The following NCK1 variants were observed in gnomAD, a reference collection of about 807,000 sequenced individuals.
The protein encoded by NCK1 is SH2/SH3 adapter protein NCK1.
NCK1 carries 19 observed loss-of-function variants against 36.6 expected under a neutral mutation model. The observed-to-expected ratio is 0.52, with a 90% confidence interval of 0.36 to 0.76. NCK1 has a LOEUF of 0.76. Ranked by LOEUF, NCK1 falls within the 30% of genes least tolerant of loss-of-function variation. The pLI is 0.00. For synonymous variants in NCK1, 165 were observed against 156.0 expected (o/e 1.06, Z -0.43); for missense variants, 358 against 445.6 (o/e 0.80, Z 1.77).
chr3:136,920,220 AG>A (rs1381070226), intron 1 of NCK1, among the ~76,000 whole-genome samples: 1 of 152,186 alleles, frequency 6.6e-6, no homozygotes, highest in Admixed American at 6.5e-5. Context: ...TCAGAAATAA[AG>A]GCTACTTAAA....
At chr3:136,904,584 C>G (rs553811006) in intron 1 of NCK1, among the ~76,000 whole-genome samples, 3 of 152,084 alleles carry the variant, frequency 2.0e-5, no homozygotes, top group Non-Finnish European at 4.4e-5. Context: ...TTTTAGAATT[C>G]TGTGTATTTG....
chr3:136,915,935 A>T (rs1307795730), intron 1 of NCK1, among the ~76,000 whole-genome samples: 1 of 152,134 alleles, frequency 6.6e-6, no homozygotes, highest in African/African-American at 2.4e-5. Context: ...CACGTTGGCC[A>T]TGCTGGTCTC....
At chr3:136,876,551 A>AGC (rs1252273656) in intron 1 of NCK1, among the ~76,000 whole-genome samples, 3 of 152,154 alleles carry the variant, frequency 2.0e-5, no homozygotes, top group Non-Finnish European at 4.4e-5. Context: ...GTGTCAGTGT[A>AGC]TATATAAATC....
intron 2 of NCK1, chr3:136,928,861 T>TTA (rs1280634046): frequency 8.4e-6 from 1 of 119,688 alleles, no homozygotes; most frequent in African/African-American, 3.1e-5. Context: ...GCCTCTTCTT[T>TTA]AAAAAAAAAA....
rs866421537 is a variant in NCK1, at chr3:136,864,768, T to C, written c.-19+2415T>C. Reference sequence around the variant, plus strand: ...TCTGGGTTTTTTTCTTTTCTTTTTTTTTTTTTTTTTTGAGACAGAGTCTCT... The same window carrying C: ...TCTGGGTTTTTTTCTTTTCTTTTTTCTTTTTTTTTTTGAGACAGAGTCTCT... On this transcript the variant is annotated intron_variant, in intron 1 of 3. Transcript: ENST00000481752. Among the ~76,000 whole-genome samples, 560 of 146,260 alleles carry C rather than the reference T, an allele frequency of 3.8e-3. 2 individuals are homozygous for C. Among genetic ancestry groups the C allele is most frequent in the African/African-American group, 0.012 (476 of 40,428 alleles).
chr3:136,943,629 G>A (rs918238831), intron 2 of NCK1, among the ~76,000 whole-genome samples: 10 of 152,202 alleles, frequency 6.6e-5, no homozygotes, highest in African/African-American at 2.4e-4. Context: ...TTTGCTGACT[G>A]CTGAATACAT....
intron 1 of NCK1, among the ~76,000 whole-genome samples, chr3:136,921,785 G>T: frequency 6.6e-6 from 1 of 152,112 alleles, no homozygotes; most frequent in South Asian, 2.1e-4. Flanking sequence ...AAGAAAGATG[G>T]TTTTTTTGTT....
chr3:136,869,265 C>T (rs991104830), intron 1 of NCK1, among the ~76,000 whole-genome samples: 7 of 149,342 alleles, frequency 4.7e-5, no homozygotes, highest in African/African-American at 7.4e-5. Context: ...TTATTTGTTC[C>T]GCTAGGCCTG....
At chr3:136,870,115 G>T (rs1285231359) in intron 1 of NCK1, among the ~76,000 whole-genome samples, 1 of 149,612 alleles carries the variant, frequency 6.7e-6, no homozygotes, top group East Asian at 2.0e-4. Flanking sequence ...GCCGAGGCAG[G>T]TGGATCGCTT....
In NCK1 at chr3:136,890,369, G is replaced by A. The variant is rs1002145888; in HGVS notation, c.-19+28016G>A. 4.6e-5 allele frequency among the ~76,000 whole-genome samples: 7 copies of A among 151,816 alleles called. No individual in the cohort carries two copies. In the South Asian group the frequency reaches 6.3e-4, roughly 14 times the overall value. On this transcript the variant is annotated intron_variant, in intron 1 of 3. Transcript: ENST00000481752. ...AGCGTTGCACGCAGCCCCAGTTCCC[G>A]CTGGCGCCTCTCCCTCTACACCTCC...
chr3:136,913,859 G>A (rs1037805694), intron 1 of NCK1, among the ~76,000 whole-genome samples: 4 of 152,066 alleles, frequency 2.6e-5, no homozygotes, highest in Non-Finnish European at 5.9e-5. Flanking sequence ...TATTAGAGAC[G>A]GGGTTTCACC....
At chr3:136,865,164 G>T (rs1172066901) in intron 1 of NCK1, among the ~76,000 whole-genome samples, 1 of 151,992 alleles carries the variant, frequency 6.6e-6, no homozygotes, top group Non-Finnish European at 1.5e-5. Flanking sequence ...CACCATCTTG[G>T]CCAGGCTGGT....
intron 1 of NCK1, among the ~76,000 whole-genome samples, chr3:136,915,719 CT>C (rs1939947154): frequency 6.6e-6 from 1 of 151,400 alleles, no homozygotes. Context: ...GTGCCAAACA[CT>C]TTTGCTTTTG....
intron 2 of NCK1, among the ~76,000 whole-genome samples, chr3:136,930,765 C>T (rs1335833186): frequency 2.0e-5 from 3 of 152,044 alleles, no homozygotes; most frequent in South Asian, 2.1e-4. Flanking sequence ...ATTGTAGTTT[C>T]GACTTGGTAA....
chr3:136,904,207 C>T (rs1197402798), intron 1 of NCK1, among the ~76,000 whole-genome samples: 1 of 152,056 alleles, frequency 6.6e-6, no homozygotes, highest in Non-Finnish European at 1.5e-5. Context: ...GGCTGGAGTG[C>T]AGTGGTGCAG....
intron 2 of NCK1, among the ~76,000 whole-genome samples, chr3:136,934,184 GATACTGGAGGT>G (rs1940463837): frequency 6.6e-6 from 1 of 151,946 alleles, no homozygotes; most frequent in Non-Finnish European, 1.5e-5. Context: ...TACAAACAAG[GATACTGGAGGT>G]TTTTTTTTTT....
At chr3:136,934,729 A>G (rs933696975) in intron 2 of NCK1, among the ~76,000 whole-genome samples, 2 of 152,342 alleles carry the variant, frequency 1.3e-5, no homozygotes, top group East Asian at 3.9e-4. Flanking sequence ...AAAAGATTAA[A>G]TAACTTGACC....
rs1157451657 is a variant in NCK1 at position 136,867,048 on chromosome 3, TTTTCTTTCTTTC to T, written c.-19+4755_-19+4766del. 1.4e-3 allele frequency among the ~76,000 whole-genome samples: 47 copies of T among 33,720 alleles called. 1 individual carries two copies. The highest frequency in any genetic ancestry group is 4.2e-3 in the African/African-American group (45 of 10,808). The allele number at this position is 33,720 out of a possible 152,430, so 22.1% of individuals were successfully genotyped here. A position where few individuals can be genotyped will look rare whatever the true frequency, so the allele number is the denominator to read the frequency against. On this transcript the variant is annotated intron_variant, in intron 1 of 3. Coordinates refer to ENST00000481752, the MANE Select transcript of NCK1 (RefSeq NM_001291999.2). ...TTTTCCTGTTCCCTATGTTGCTTGC[TTTTCTTTCTTTC>T]TTTCTTTCTTTCTTTCTTTCTTTCT... is the stretch of plus-strand genomic sequence containing the variant.
intron 1 of NCK1, among the ~76,000 whole-genome samples, chr3:136,865,266 G>A (rs911305534): frequency 1.3e-5 from 2 of 152,010 alleles, no homozygotes; most frequent in African/African-American, 4.8e-5. Context: ...TGTATTTTTA[G>A]TAGAGACGGA....
Sources: gnomAD v4.1 joint callset for allele counts (sites outside exome capture counted in the v4.1 genomes callset) on GRCh38, gnomAD v4.1.1 for gene constraint, MANE v1.5 for transcripts, NCBI Gene and HGNC (gene_info 2026-07-23, HGNC 2026-07-21) for gene names.